The following CDH12 variants were observed in gnomAD, a reference collection of about 807,000 sequenced individuals.
CDH12 encodes cadherin 12.
Under a neutral mutation model 74.1 loss-of-function variants are expected in CDH12, and 41 were observed. The observed-to-expected ratio is 0.55, with a 90% CI of 0.43 to 0.72. The LOEUF (loss-of-function observed/expected upper bound fraction) is 0.72, where lower values mean the gene tolerates loss of function less well. CDH12 is among the 30% of genes least tolerant of loss of function. The probability of loss-of-function intolerance (pLI) is 0.00; values close to 1 mark genes in which losing one functional copy is unlikely to be tolerated. For missense variants in CDH12, 945 were observed against 977.2 expected (o/e 0.97, Z 0.44); for synonymous variants, 399 against 355.0 (o/e 1.12, Z -1.39).
chr5:22,190,811 C>A (rs544673531), intron 4 of CDH12, among the ~76,000 whole-genome samples: 6 of 152,294 alleles, frequency 3.9e-5, no homozygotes, highest in African/African-American at 1.2e-4. Context: ...ATGAAAGGAT[C>A]AATCAGCTCC....
intron 3 of CDH12, among the ~76,000 whole-genome samples, chr5:22,338,922 C>G (rs950291537): frequency 2.4e-4 from 36 of 152,156 alleles, no homozygotes; most frequent in Non-Finnish European, 2.4e-4. Context: ...AGGTGACTCC[C>G]AGCTGACAGC....
At chr5:21,919,158 C>T (rs1489045207) in intron 6 of CDH12, among the ~76,000 whole-genome samples, 3 of 152,082 alleles carry the variant, frequency 2.0e-5, no homozygotes, top group Non-Finnish European at 4.4e-5. Context: ...ATGCTGTTGT[C>T]TAGTCAAAGC....
At chr5:21,936,370 C>A (rs1755074304) in intron 6 of CDH12, among the ~76,000 whole-genome samples, 1 of 152,118 alleles carries the variant, frequency 6.6e-6, no homozygotes, top group Admixed American at 6.5e-5. Context: ...TTCATACTTT[C>A]TAGATATAGT....
intron 1 of CDH12, among the ~76,000 whole-genome samples, chr5:22,524,917 C>T (rs1257676083): frequency 2.6e-5 from 4 of 151,144 alleles, no homozygotes; most frequent in East Asian, 3.9e-4. Context: ...CCCATTAACT[C>T]GTCATTTACA....
At chr5:22,148,753 T>C (rs1178219512) in intron 4 of CDH12, among the ~76,000 whole-genome samples, 7 of 152,200 alleles carry the variant, frequency 4.6e-5, no homozygotes, top group South Asian at 2.1e-4. Context: ...AACTCTGTCA[T>C]TGAATGGCCT....
intron 7 of CDH12, 131 bp from the exon 8 acceptor site, chr5:21,842,459 T>C (rs1225213196): frequency 1.7e-5 from 10 of 601,084 alleles, no homozygotes; most frequent in Admixed American, 3.7e-5. Flanking sequence ...AAATTGTATC[T>C]TTTAAAAAGT....
At chr5:22,125,301 C>T (rs1193012978) in intron 4 of CDH12, among the ~76,000 whole-genome samples, 2 of 152,088 alleles carry the variant, frequency 1.3e-5, no homozygotes, top group South Asian at 2.1e-4. Context: ...TGATGTTCCC[C>T]TCCCTGTGTC....
chr5:21,930,454 A>G (rs1754782422), intron 6 of CDH12, among the ~76,000 whole-genome samples: 1 of 152,202 alleles, frequency 6.6e-6, no homozygotes, highest in African/African-American at 2.4e-5. Flanking sequence ...ATCTTGATTT[A>G]CAGTCATTTC....
Position 21,926,223 on chromosome 5 carries a change from G to T in CDH12, c.526+48868C>A, listed in dbSNP as rs564455791. Among the ~76,000 whole-genome samples the T allele has an allele frequency of 3.3e-5, 5 of 152,268 alleles. No homozygotes were observed. The South Asian group carries it at 8.3e-4, about 25-fold the overall frequency. ...TTTTATAAACTATCCACTGACCTTG[G>T]GATAGTGTTGCAGTGCCCTGGGAAT... On this transcript the variant is annotated intron_variant, in intron 6 of 14. Coordinates refer to ENST00000382254, the MANE Select transcript of CDH12 (RefSeq NM_004061.5).
At chr5:22,160,434 T>G (rs1298696113) in intron 4 of CDH12, among the ~76,000 whole-genome samples, 1 of 152,160 alleles carries the variant, frequency 6.6e-6, no homozygotes, top group African/African-American at 2.4e-5. Context: ...GAACGTTGTT[T>G]AGCAAAAGGA....
chr5:22,349,054 T>C (rs1740245142), intron 3 of CDH12, among the ~76,000 whole-genome samples: 1 of 152,188 alleles, frequency 6.6e-6, no homozygotes, highest in African/African-American at 2.4e-5. Context: ...GAGTGCCCTA[T>C]AGAGGAATCC....
chr5:22,846,882 T>C (rs1213466271), intron 1 of CDH12, among the ~76,000 whole-genome samples: 2 of 152,212 alleles, frequency 1.3e-5, no homozygotes, highest in African/African-American at 4.8e-5. Flanking sequence ...AATTGTGGCA[T>C]ATAAAAATTA....
intron 1 of CDH12, among the ~76,000 whole-genome samples, chr5:22,779,259 A>T (rs1276949571): frequency 6.6e-6 from 1 of 152,184 alleles, no homozygotes; most frequent in African/African-American, 2.4e-5. Context: ...GCTGCCTTCA[A>T]ACTATTTATA....
intron 6 of CDH12, among the ~76,000 whole-genome samples, chr5:21,898,038 A>G (rs1003530855): frequency 6.6e-5 from 10 of 151,676 alleles, no homozygotes; most frequent in Non-Finnish European, 1.3e-4. Flanking sequence ...TAAAATTGAC[A>G]TGTTCTTTCT....
chr5:22,244,748 GAAAGA>G (rs1278152749), intron 3 of CDH12, among the ~76,000 whole-genome samples: 1 of 40,374 alleles, frequency 2.5e-5, no homozygotes, highest in Non-Finnish European at 7.6e-5. Context: ...AGAAAAGAAA[GAAAGA>G]AAGAAAGAAA....
At chr5:21,852,690 T>C (rs1412930946) in intron 7 of CDH12, among the ~76,000 whole-genome samples, 2 of 151,502 alleles carry the variant, frequency 1.3e-5, no homozygotes, top group African/African-American at 4.8e-5. Flanking sequence ...TCTGAGTATA[T>C]AAACTCACCT....
At chr5:21,791,332 T>A (rs919431754) in intron 10 of CDH12, among the ~76,000 whole-genome samples, 4 of 152,036 alleles carry the variant, frequency 2.6e-5, no homozygotes, top group Non-Finnish European at 4.4e-5. Context: ...TTCTGGACAA[T>A]TTTGGAAAAG....
chr5:22,041,875 A>C (rs1739597109), intron 5 of CDH12, among the ~76,000 whole-genome samples: 1 of 152,162 alleles, frequency 6.6e-6, no homozygotes, highest in South Asian at 2.1e-4. Context: ...CATGCACATG[A>C]AACATTCTCC....
chr5:22,688,126 T>C (rs1349537775), intron 1 of CDH12, among the ~76,000 whole-genome samples: 3 of 152,072 alleles, frequency 2.0e-5, no homozygotes, highest in African/African-American at 4.8e-5. Context: ...TCCCGTTTCA[T>C]TGTGTGCGAG....
Sources: allele counts gnomAD v4.1 joint callset (sites outside exome capture counted in the v4.1 genomes callset), GRCh38; gene constraint gnomAD v4.1.1; transcripts MANE v1.5; gene names NCBI Gene and HGNC (gene_info 2026-07-23, HGNC 2026-07-21).